The following SYDE2 variants were observed in gnomAD, a reference collection of about 807,000 sequenced individuals.
SYDE2 encodes the protein rho GTPase-activating protein SYDE2.
SYDE2 carries 76 observed loss-of-function variants against 91.5 expected under a neutral mutation model. That is an observed-to-expected ratio of 0.83 (90% CI 0.69 to 1.01). The LOEUF (loss-of-function observed/expected upper bound fraction) is 1.01, where lower values mean the gene tolerates loss of function less well. SYDE2 is among the 50% of genes least tolerant of loss of function. SYDE2 has a pLI of 0.00. For missense variants in SYDE2, 1,364 were observed against 1,367.7 expected, an observed-to-expected ratio of 1.00 and a Z score of 0.04; for synonymous variants, 513 against 506.4, an observed-to-expected ratio of 1.01 and a Z score of -0.18.
At chr1:85,197,615 T>TA (rs1398116001) in intron 1 of SYDE2, among the ~76,000 whole-genome samples, 11 of 152,180 alleles carry the variant, frequency 7.2e-5, no homozygotes, top group Non-Finnish European at 1.6e-4. Flanking sequence ...GGTAAAAGTT[T>TA]AAAATGAATA....
At chr1:85,162,480 A>C (rs899396587) in intron 6 of SYDE2, among the ~76,000 whole-genome samples, 24 of 152,288 alleles carry the variant, frequency 1.6e-4, no homozygotes, top group African/African-American at 5.5e-4. Context: ...GTTTCTTCTC[A>C]ACTTTCTGCC....
At chr1:85,193,909 GAGCC>G (rs1332149763) in intron 1 of SYDE2, among the ~76,000 whole-genome samples, 1 of 152,034 alleles carries the variant, frequency 6.6e-6, no homozygotes, top group Admixed American at 6.6e-5. Context: ...ATTACGGTGT[GAGCC>G]ACCATGTCTA....
rs982016674 is a variant in SYDE2 at position 85,200,991 on chromosome 1, G to T, written c.6C>A (p.His2Gln). The change falls in exon 1 of 7, where the codon CAC (histidine) becomes CAA (glutamine). Residue 2 changes from histidine to glutamine, a missense_variant. Coordinates refer to ENST00000341460, the MANE Select transcript of SYDE2 (RefSeq NM_032184.2). M[H>Q]DLPPDSGARR... ...GCGCGCCCGAGTCAGGGGGCAGGTC[G>T]TGCATGGCCTGGATCAGCAGATAAT... 7.7e-7 allele frequency: 1 copy of T among 1,303,562 alleles called. No homozygotes were observed. Among genetic ancestry groups the T allele is most frequent in the Non-Finnish European group, 9.7e-7 (1 of 1,034,340 alleles). 80.7% of individuals were successfully genotyped at this position (1,303,562 alleles called of 1,614,324 possible).
At chr1:85,159,368 T>TGCA (rs1364260300) in intron 6 of SYDE2, 119 bp from the exon 7 acceptor site, 56 of 656,564 alleles carry the variant, frequency 8.5e-5, no homozygotes, top group Middle Eastern at 3.9e-4. Context: ...AACAAAAACA[T>TGCA]GCACTCTGTC....
chr1:85,160,687 CTTT>C, intron 6 of SYDE2: 1 of 985,348 alleles, frequency 1.0e-6, no homozygotes, highest in South Asian at 4.7e-5. Context: ...TATTCCTTTT[CTTT>C]TTAGTGCTTA....
At chr1:85,164,294 T>C (rs1359417565) in intron 6 of SYDE2, among the ~76,000 whole-genome samples, 1 of 152,224 alleles carries the variant, frequency 6.6e-6, no homozygotes, top group Non-Finnish European at 1.5e-5. Context: ...GATTTAAATC[T>C]AGATCTGACC....
chr1:85,159,038 G>T lies in SYDE2; in HGVS notation c.3297C>A (p.Tyr1099Ter), dbSNP rs774955002. Residue 1099 changes from tyrosine (Y) to a stop codon, truncating the protein, a stop_gained, in exon 7 of 7, where the codon TAC becomes TAA. Transcript: ENST00000341460. LOFTEE classifies it high-confidence loss of function. ...TTAAATTTTCTTTTGTATTTAAAAAGTAGTTTTCCCCACAGCTGCTCCAGT... is the reference window on the plus strand; with the variant it reads ...TTAAATTTTCTTTTGTATTTAAAAATTAGTTTTCCCCACAGCTGCTCCAGT... ...AGDWSSCGENYFLNTKENLND... is the reference protein window; with the variant it reads ...AGDWSSCGEN 3.8e-6 allele frequency: 3 copies of T among 780,740 alleles called. No individual in the cohort carries two copies. In the South Asian group the frequency reaches 4.0e-5, roughly 10 times the overall value. The allele number at this position is 780,740 out of a possible 1,614,324, so 48.4% of individuals were successfully genotyped here.
downstream of SYDE2, among the ~76,000 whole-genome samples, chr1:85,156,713 TA>T (rs1656890315): frequency 6.6e-6 from 1 of 152,134 alleles, no homozygotes; most frequent in Non-Finnish European, 1.5e-5. Context: ...GCATGGCCCT[TA>T]AAAGTATTTC....
At chr1:85,163,445 C>CTATATA (rs55977750) in intron 6 of SYDE2, among the ~76,000 whole-genome samples, 5,468 of 87,280 alleles carry the variant, frequency 0.063, 291 homozygotes, top group Middle Eastern at 0.093. Context: ...GTACTTTAAT[C>CTATATA]TATATATATA....
Position 85,182,609 on chromosome 1 carries a change from A to G in SYDE2, c.2033T>C (p.Ile678Thr), listed in dbSNP as rs746248150. The change falls in exon 3 of 7, where the codon ATA (isoleucine) becomes ACA (threonine). Residue 678 changes from isoleucine to threonine, a missense_variant. Transcript: ENST00000341460. Reference sequence around the variant, plus strand: ...GAAATGTACACTCATGAGCCCAGATATGTACTGTGAACACTTAGGTTGATC... The same window carrying G: ...GAAATGTACACTCATGAGCCCAGATGTGTACTGTGAACACTTAGGTTGATC... ...FSDQPKCSQY[I>T]SGLMSVHFYG... is the part of the protein sequence containing the mutation. The G allele has an allele frequency of 4.3e-6, 7 of 1,613,930 alleles. No individual in the cohort carries two copies. The highest frequency in any genetic ancestry group is 5.9e-6 in the Non-Finnish European group (7 of 1,179,856).
At chr1:85,161,150 T>C in intron 6 of SYDE2, 1 of 982,428 alleles carries the variant, frequency 1.0e-6, no homozygotes, top group Non-Finnish European at 1.2e-6. Context: ...GTCTATAAGG[T>C]TGCTGAAAAA....
At position 85,182,434 on chromosome 1, in the gene SYDE2, A is replaced by T; in HGVS notation, c.2208T>A (p.Ile736=). The change falls in exon 3 of 7, where the codon ATT becomes ATA. Residue 736 remains isoleucine, a synonymous_variant. Transcript: ENST00000341460. Reference sequence around the variant, plus strand: ...CTAGTTTCAAATGTTGTGCATTTTCAATTTCTATGTTGAAAGTGTGATCCA... The same window carrying T: ...CTAGTTTCAAATGTTGTGCATTTTCTATTTCTATGTTGAAAGTGTGATCCA... ...LDMDHTFNIE[I]ENAQHLKLVV... 1 of 1,613,602 alleles carries T rather than the reference A, an allele frequency of 6.2e-7. No homozygotes were observed. The highest frequency in any genetic ancestry group is 8.5e-7 in the Non-Finnish European group (1 of 1,179,704).
intron 6 of SYDE2, chr1:85,160,049 C>T: frequency 2.0e-6 from 2 of 984,520 alleles, no homozygotes; most frequent in Non-Finnish European, 2.4e-6. Context: ...GTGTGTTGAA[C>T]AAAATATTTA....
Position 85,190,448 on chromosome 1 carries a change from TA to T in SYDE2, c.1049del (p.Leu350TyrfsTer7), listed in dbSNP as rs1421784777. 1.2e-6 allele frequency: 2 copies of T among 1,613,858 alleles called. No individual in the cohort carries two copies. The highest frequency in any genetic ancestry group is 2.7e-5 in the African/African-American group (2 of 74,954). ...TAAAATCTAAAGCACAGTTTTTCGA[TA>T]ATGAAGAGTTTGTAGCGTTACATAC... ...YVVCNATNSS[L>X]SKNCALDFNE... On this transcript the variant is annotated frameshift_variant, in exon 2 of 7. Transcript: ENST00000341460. LOFTEE classifies it high-confidence loss of function.
downstream of SYDE2, chr1:85,152,632 A>C (rs1041914379): frequency 2.6e-5 from 4 of 152,242 alleles, no homozygotes; most frequent in Admixed American, 1.3e-4. Context: ...TTGATTAACA[A>C]TTAATTGAAC....
chr1:85,180,233 A>G (rs954169147), intron 3 of SYDE2, among the ~76,000 whole-genome samples: 55 of 152,176 alleles, frequency 3.6e-4, no homozygotes, highest in African/African-American at 1.3e-3. Context: ...TAAAAACCCA[A>G]TAATACAAGA....
At chr1:85,184,694 T>G (rs1658060345) in intron 2 of SYDE2, among the ~76,000 whole-genome samples, 2 of 151,980 alleles carry the variant, frequency 1.3e-5, no homozygotes, top group African/African-American at 4.8e-5. Flanking sequence ...CAAAACCCCA[T>G]GTCTACAAAA....
In SYDE2 at chr1:85,200,739, G is replaced by A; in HGVS notation, c.258C>T (p.Ser86=). Residue 86 remains serine (S), a synonymous_variant, in exon 1 of 7, where the codon AGC becomes AGT. Transcript: ENST00000341460. The part of the protein sequence containing the change: ...TPRMRPSCSR[S]LESLRVGAKP... ...TGGCACCCACCCGGAGGCTCTCGAG[G>A]CTTCTGCTGCAGGACGGCCGCATCC... is the stretch of plus-strand genomic sequence containing the variant. 6.5e-7 allele frequency: 1 copy of A among 1,532,744 alleles called. No homozygotes were observed. Among genetic ancestry groups the A allele is most frequent in the East Asian group, 2.5e-5 (1 of 40,786 alleles). The allele number at this position is 1,532,744 out of a possible 1,614,324, so 94.9% of individuals were successfully genotyped here.
At chr1:85,159,291 ACTG>A (rs1286065893) in intron 6 of SYDE2, 42 bp from the exon 7 acceptor site, 2 of 748,606 alleles carry the variant, frequency 2.7e-6, no homozygotes, top group Admixed American at 2.0e-5. Context: ...CAGTAATCCA[ACTG>A]AACTTAAAAA....
Sources: allele counts gnomAD v4.1 joint callset (sites outside exome capture counted in the v4.1 genomes callset), GRCh38; gene constraint gnomAD v4.1.1; transcripts MANE v1.5; gene names NCBI Gene and HGNC (gene_info 2026-07-23, HGNC 2026-07-21).